CDH13: variants seen among roughly 807,000 people sequenced by gnomAD.
CDH13 encodes the protein cadherin 13, also known as cadherin-13.
A neutral mutation model predicts 63.8 loss-of-function variants in CDH13; 24 were observed. The ratio of observed to expected loss-of-function variants is 0.38; its 90% CI spans 0.27 to 0.53. The LOEUF is 0.53. Ranked by LOEUF, CDH13 falls within the 20% of genes least tolerant of loss-of-function variation. The pLI, the probability that CDH13 is intolerant of heterozygous loss-of-function variation, is 0.85. For missense variants in CDH13, 1,049 were observed against 903.1 expected (o/e 1.16, Z -2.07); for synonymous variants, 503 against 355.3 (o/e 1.42, Z -4.67).
At chr16:83,481,843 T>A (rs1165125247) in intron 6 of CDH13, among the ~76,000 whole-genome samples, 1 of 152,168 alleles carries the variant, frequency 6.6e-6, no homozygotes, top group Non-Finnish European at 1.5e-5. Flanking sequence ...AATTACCCTT[T>A]CTCTGCTGTC....
At chr16:82,678,911 T>C (rs939696601) in intron 1 of CDH13, among the ~76,000 whole-genome samples, 1 of 152,142 alleles carries the variant, frequency 6.6e-6, no homozygotes, top group African/African-American at 2.4e-5. Flanking sequence ...AGGCCAATAA[T>C]TGGGACTGTG....
chr16:83,568,890 C>G (rs945395889), intron 7 of CDH13, among the ~76,000 whole-genome samples: 9 of 152,112 alleles, frequency 5.9e-5, no homozygotes, highest in Admixed American at 2.0e-4. Flanking sequence ...TGGACCATTG[C>G]AGAGTCTCAG....
Position 83,304,576 on chromosome 16 carries a change from G to A in CDH13, c.637-40286G>A, listed in dbSNP as rs116721866. Among the ~76,000 whole-genome samples, 453 of 152,206 alleles carry A rather than the reference G, an allele frequency of 3.0e-3. 4 individuals are homozygous for A. Among genetic ancestry groups the A allele is most frequent in the African/African-American group, 0.011 (439 of 41,528 alleles). Reference sequence around the variant, plus strand: ...TATCAAATAATAGATATTTGTCCTCGATACATATGGGATCTTGGCCAGCTG... The same window carrying A: ...TATCAAATAATAGATATTTGTCCTCAATACATATGGGATCTTGGCCAGCTG... On this transcript the variant is annotated intron_variant, in intron 5 of 13. Transcript: ENST00000567109.
chr16:82,992,087 G>A (rs1911724374), intron 2 of CDH13, among the ~76,000 whole-genome samples: 3 of 152,300 alleles, frequency 2.0e-5, no homozygotes, highest in South Asian at 4.1e-4. Context: ...AAGTGAAACG[G>A]CACTGATTAA....
intron 7 of CDH13, among the ~76,000 whole-genome samples, chr16:83,493,135 T>C (rs935931910): frequency 2.0e-5 from 3 of 152,160 alleles, no homozygotes; most frequent in African/African-American, 7.2e-5. Flanking sequence ...ATTGAAAAAA[T>C]TCAAATAAGA....
At position 83,416,600 on chromosome 16, in the gene CDH13, G is replaced by C. The variant is rs150815254; in HGVS notation, c.782-69877G>C. The stretch of plus-strand genomic sequence containing the variant: ...ATGACATGCATACTGATGCCTCCCA[G>C]AAGTACCACTTCAATCTCTGACCTC... On this transcript the variant is annotated intron_variant, in intron 6 of 13. Transcript: ENST00000567109. 5.8e-3 allele frequency among the ~76,000 whole-genome samples: 883 copies of C among 152,282 alleles called. 3 individuals are homozygous for C. Among genetic ancestry groups the C allele is most frequent in the African/African-American group, 0.02 (820 of 41,564 alleles).
intron 5 of CDH13, among the ~76,000 whole-genome samples, chr16:83,316,213 A>C (rs528326127): frequency 1.3e-5 from 2 of 152,304 alleles, no homozygotes; most frequent in South Asian, 4.1e-4. Flanking sequence ...ACCTCCCACG[A>C]GGTCCCTCCC....
intron 1 of CDH13, among the ~76,000 whole-genome samples, chr16:82,761,446 C>A (rs1434789938): frequency 6.6e-6 from 1 of 152,196 alleles, no homozygotes; most frequent in Non-Finnish European, 1.5e-5. Flanking sequence ...AGCCAGCCAA[C>A]TTCTGATGTT....
At chr16:83,130,442 C>A (rs539254112) in intron 4 of CDH13, among the ~76,000 whole-genome samples, 1 of 152,302 alleles carries the variant, frequency 6.6e-6, no homozygotes, top group East Asian at 1.9e-4. Flanking sequence ...TCTTCACTGA[C>A]AATTTCTCTT....
intron 6 of CDH13, among the ~76,000 whole-genome samples, chr16:83,464,152 C>T (rs1371638401): frequency 6.6e-6 from 1 of 152,156 alleles, no homozygotes; most frequent in Non-Finnish European, 1.5e-5. Flanking sequence ...CAGCTCACTG[C>T]AACCTCTACC....
At chr16:83,663,190 T>C (rs1913599687) in intron 8 of CDH13, among the ~76,000 whole-genome samples, 1 of 152,188 alleles carries the variant, frequency 6.6e-6, no homozygotes, top group African/African-American at 2.4e-5. Context: ...GGTAATCAGC[T>C]CTGGGTCCAA....
At chr16:83,372,260 C>T (rs2091381216) in intron 6 of CDH13, among the ~76,000 whole-genome samples, 1 of 152,192 alleles carries the variant, frequency 6.6e-6, no homozygotes, top group African/African-American at 2.4e-5. Flanking sequence ...CAACTAGTGA[C>T]AGGTGAAGCA....
chr16:82,955,967 C>T (rs1291905961), intron 2 of CDH13, among the ~76,000 whole-genome samples: 17 of 152,194 alleles, frequency 1.1e-4, no homozygotes. Flanking sequence ...GACATTCAGT[C>T]TTGGATTTAT....
At chr16:83,416,358 T>A (rs569246735) in intron 6 of CDH13, among the ~76,000 whole-genome samples, 1 of 152,332 alleles carries the variant, frequency 6.6e-6, no homozygotes, top group East Asian at 1.9e-4. Flanking sequence ...AGAATTTCAG[T>A]GGCATTTTTT....
At chr16:83,478,152 T>C (rs1598111669) in intron 6 of CDH13, among the ~76,000 whole-genome samples, 3 of 139,596 alleles carry the variant, frequency 2.1e-5, no homozygotes, top group Non-Finnish European at 3.1e-5. Flanking sequence ...AGAGCAAGAC[T>C]CCGTCTCAAA....
intron 5 of CDH13, among the ~76,000 whole-genome samples, chr16:83,326,998 T>G (rs558222112): frequency 8.5e-5 from 13 of 152,352 alleles, no homozygotes; most frequent in African/African-American, 3.1e-4. Flanking sequence ...AGACCTCTTT[T>G]GTGCACAAGT....
intron 1 of CDH13, among the ~76,000 whole-genome samples, chr16:82,804,531 A>T (rs561670973): frequency 6.6e-6 from 1 of 152,326 alleles, no homozygotes; most frequent in East Asian, 1.9e-4. Context: ...TCCTCAGGTC[A>T]TCATGGATTC....
chr16:83,173,408 G>A (rs971800492), intron 4 of CDH13, among the ~76,000 whole-genome samples: 1 of 152,038 alleles, frequency 6.6e-6, no homozygotes, highest in East Asian at 1.9e-4. Flanking sequence ...CTGAGAGTGT[G>A]GTAAAGTAAG....
chr16:82,678,089 C>T (rs746051330), intron 1 of CDH13, among the ~76,000 whole-genome samples: 2 of 152,158 alleles, frequency 1.3e-5, no homozygotes, highest in Non-Finnish European at 2.9e-5. Flanking sequence ...TCACCCTCTA[C>T]ACTGGCCTCC....
Sources: allele counts gnomAD v4.1 joint callset (sites outside exome capture counted in the v4.1 genomes callset), GRCh38; gene constraint gnomAD v4.1.1; transcripts MANE v1.5; gene names NCBI Gene and HGNC (gene_info 2026-07-23, HGNC 2026-07-21).